NCOA6: variants seen among roughly 807,000 people sequenced by gnomAD.
NCOA6 encodes the protein NRC RAP250.
NCOA6 carries 49 observed loss-of-function variants against 171.4 expected under a neutral mutation model. That is an observed-to-expected ratio of 0.29 (90% CI 0.23 to 0.36). The LOEUF is 0.36. NCOA6 is among the 10% of genes least tolerant of loss of function. The probability of loss-of-function intolerance (pLI) is 1.00; values close to 1 mark genes in which losing one functional copy is unlikely to be tolerated. For missense variants in NCOA6, 2,248 were observed against 2,554.5 expected, an observed-to-expected ratio of 0.88 and a Z score of 2.59; for synonymous variants, 910 against 927.5, an observed-to-expected ratio of 0.98 and a Z score of 0.34.
chr20:34,715,268 G>C lies in NCOA6; in HGVS notation c.*54C>G. ...TTTAAAAAAGTCACAGCTCAAAATT[G>C]CTCTTTGTAAAAGTCACACACATTT... On this transcript the variant is annotated 3_prime_UTR_variant, in exon 15 of 15. Coordinates refer to ENST00000359003, the MANE Select transcript of NCOA6 (RefSeq NM_014071.5). 1.2e-6 allele frequency: 2 copies of C among 1,611,396 alleles called. No individual in the cohort carries two copies. The highest frequency in any genetic ancestry group is 1.7e-5 in the Admixed American group (1 of 59,846).
intron 4 of NCOA6, among the ~76,000 whole-genome samples, chr20:34,768,890 TTG>T (rs145646339): frequency 4.6e-5 from 7 of 151,462 alleles, no homozygotes. Flanking sequence ...ATCTTACCAA[TTG>T]TGTGTGTGTG....
intron 2 of NCOA6, among the ~76,000 whole-genome samples, chr20:34,786,600 T>C (rs151229305): frequency 0.017 from 2,588 of 152,304 alleles, 38 homozygotes; most frequent in Non-Finnish European, 0.025. Context: ...ATTTCATTAT[T>C]TACCCAAAAG....
chr20:34,730,386 T>C (rs1990473103), intron 13 of NCOA6, among the ~76,000 whole-genome samples: 1 of 152,046 alleles, frequency 6.6e-6, no homozygotes, highest in South Asian at 2.1e-4. Context: ...TGTACCTGGC[T>C]AGATGATTCC....
At position 34,725,672 on chromosome 20, in the gene NCOA6, G is replaced by A. The variant is rs372400444; in HGVS notation, c.6148+1587C>T. ...GGAAAAGGGCCACCTGAGATAAAAT[G>A]GGCAGTTTTTTGTGACGAGTTTGAT... On this transcript the variant is annotated intron_variant, in intron 14 of 14. Coordinates refer to ENST00000359003, the MANE Select transcript of NCOA6 (RefSeq NM_014071.5). 3.3e-5 allele frequency among the ~76,000 whole-genome samples: 5 copies of A among 151,494 alleles called. No individual in the cohort carries two copies. In the East Asian group the frequency reaches 9.6e-4, roughly 29 times the overall value.
At chr20:34,736,321 G>C (rs1196678662) in intron 12 of NCOA6, among the ~76,000 whole-genome samples, 2 of 152,146 alleles carry the variant, frequency 1.3e-5, no homozygotes, top group Non-Finnish European at 2.9e-5. Flanking sequence ...GTTAATGCTT[G>C]CCAGCCCAGT....
intron 11 of NCOA6, 83 bp downstream of exon 11, chr20:34,740,279 GT>G: frequency 6.7e-7 from 1 of 1,493,906 alleles, no homozygotes; most frequent in Non-Finnish European, 9.0e-7. Flanking sequence ...TTTCCTCCAA[GT>G]AAAAAAGGAG....
In NCOA6 at chr20:34,757,348, A is replaced by C. The variant is rs202134506; in HGVS notation, c.1400T>G (p.Phe467Cys). ...ACCCGGAGAGCTGACAGGCTGCTGA[A>C]ATCCCTGGGGAAGTGGGTTATTTTG... ...PPQNNPLPQG[F>C]QQPVSSPGRN... The change falls in exon 7 of 15, where the codon TTT (phenylalanine) becomes TGT (cysteine). Residue 467 changes from phenylalanine (F) to cysteine (C), a missense_variant. Around this residue, in one of 7 missense-constraint regions of NCOA6, gnomAD observed 987 missense variants for 1,104.7 expected, o/e 0.89. Coordinates refer to ENST00000359003, the MANE Select transcript of NCOA6 (RefSeq NM_014071.5). 6.2e-7 allele frequency: 1 copy of C among 1,614,172 alleles called. No individual in the cohort carries two copies. Among genetic ancestry groups the C allele is most frequent in the African/African-American group, 1.3e-5 (1 of 75,046 alleles).
Position 34,741,768 on chromosome 20 carries a change from G to T in NCOA6, c.4488C>A (p.Asp1496Glu). ...TTGTCACATTGGGAGCTCCAGAGTTGTCAAGAAGTTGACTTAACGATGTTG... is the reference window on the plus strand; with the variant it reads ...TTGTCACATTGGGAGCTCCAGAGTTTTCAAGAAGTTGACTTAACGATGTTG... ...EAPTSLSQLLDNSGAPNVTIK... is the reference protein window; with the variant it reads ...EAPTSLSQLLENSGAPNVTIK... Residue 1496 changes from aspartate to glutamate, a missense_variant, in exon 11 of 15, where the codon GAC becomes GAA. Transcript: ENST00000359003. 1 of 1,614,194 alleles carries T rather than the reference G, an allele frequency of 6.2e-7. No individual in the cohort carries two copies. Among genetic ancestry groups the T allele is most frequent in the Non-Finnish European group, 8.5e-7 (1 of 1,180,040 alleles).
At position 34,715,391 on chromosome 20, in the gene NCOA6, C is replaced by T. The variant is rs1256994349; in HGVS notation, c.6149-26G>A. 1.9e-6 allele frequency: 3 copies of T among 1,561,472 alleles called. No individual in the cohort carries two copies. In the African/African-American group the frequency reaches 4.1e-5, roughly 21 times the overall value. On this transcript the variant is annotated intron_variant, in intron 14 of 14. Coordinates refer to ENST00000359003, the MANE Select transcript of NCOA6 (RefSeq NM_014071.5). ...CTGTGGGGGAAAGAAAGGACATGTT[C>T]AGTGGAAGTAACTCTTTACAGCAGT...
intron 1 of NCOA6, among the ~76,000 whole-genome samples, chr20:34,802,969 C>T (rs2078305851): frequency 6.6e-6 from 1 of 151,880 alleles, no homozygotes; most frequent in South Asian, 2.1e-4. Context: ...CTCCACCATG[C>T]CCGGCTAATT....
chr20:34,782,284 TGA>T lies in NCOA6; in HGVS notation c.70_71del (p.Ser24ArgfsTer5), dbSNP rs781694204. 3 of 1,612,962 alleles carry T rather than the reference TGA, an allele frequency of 1.9e-6. No homozygotes were observed. The South Asian group carries it at 3.3e-5, about 18-fold the overall frequency. On this transcript the variant is annotated frameshift_variant, in exon 3 of 15. Transcript: ENST00000359003. LOFTEE classifies it high-confidence loss of function. ...TSLCSSTMEDSEMDFDSGLED... is the reference protein window; with the variant it reads ...TSLCSSTMEDXEMDFDSGLED... ...CTAGTCCAGAGTCAAAATCCATCTC[TGA>T]GTCTTCCATTGTTGATGAACACAAG...
Position 34,727,356 on chromosome 20 carries a change from G to A in NCOA6, c.6051C>T (p.Asn2017=). The part of the protein sequence containing the change: ...VEKSKIPGRR[N]SRTEEPTVAS... Reference sequence around the variant, plus strand: ...CCACAGTTGGCTCTTCAGTTCGGGAGTTTCTTCGGCCTGGGATTTTGGACT... The same window carrying A: ...CCACAGTTGGCTCTTCAGTTCGGGAATTTCTTCGGCCTGGGATTTTGGACT... The change falls in exon 14 of 15, where the codon AAC becomes AAT. Residue 2017 remains asparagine, a synonymous_variant. Coordinates refer to ENST00000359003, the MANE Select transcript of NCOA6 (RefSeq NM_014071.5). 1 of 1,614,100 alleles carries A rather than the reference G, an allele frequency of 6.2e-7. No individual in the cohort carries two copies. The highest frequency in any genetic ancestry group is 2.2e-5 in the East Asian group (1 of 44,882).
chr20:34,801,476 C>T (rs2078253309), intron 1 of NCOA6, among the ~76,000 whole-genome samples: 2 of 151,770 alleles, frequency 1.3e-5, no homozygotes, highest in South Asian at 2.1e-4. Flanking sequence ...GAGAGAAGAC[C>T]CAAATAAATA....
At chr20:34,811,865 A>G (rs1368932286) in intron 1 of NCOA6, among the ~76,000 whole-genome samples, 1 of 152,272 alleles carries the variant, frequency 6.6e-6, no homozygotes, top group African/African-American at 2.4e-5. Context: ...AAACAGTTAA[A>G]TGCTCACTGT....
rs757202518 is a variant in NCOA6, at chr20:34,740,860, T to C, written c.5396A>G (p.Asn1799Ser). ...STTMVSPLLT[N>S]SPGSSGNRRS... ...CCGGTTGCCAGAGGACCCTGGACTA[T>C]TGGTCAAAAGGGGAGAAACCATTGT... The change falls in exon 11 of 15, where the codon AAT becomes AGT. Residue 1799 changes from asparagine (N) to serine (S), a missense_variant. Physicochemically the swap from Asn to Ser is conservative, Grantham distance 46 (BLOSUM62 1). Around this residue, in one of 7 missense-constraint regions of NCOA6, gnomAD observed 884 missense variants for 941.9 expected, o/e 0.94. Coordinates refer to ENST00000359003, the MANE Select transcript of NCOA6 (RefSeq NM_014071.5). 3.7e-6 allele frequency: 6 copies of C among 1,614,094 alleles called. No homozygotes were observed. The highest frequency in any genetic ancestry group is 3.4e-6 in the Non-Finnish European group (4 of 1,180,050).
rs909347987 is a variant in NCOA6, at chr20:34,741,835, T to G, written c.4421A>C (p.Glu1474Ala). ...AGGAGACACCAAATTTTTGTTCTCTTCGACACTGGGAAGTTTGTTAGGATC... is the reference window on the plus strand; with the variant it reads ...AGGAGACACCAAATTTTTGTTCTCTGCGACACTGGGAAGTTTGTTAGGATC... ...PSDPNKLPSV[E>A]ENKNLVSPAM... The change falls in exon 11 of 15, where the codon GAA (glutamate) becomes GCA (alanine). Residue 1474 changes from glutamate (E) to alanine (A), a missense_variant. By Grantham distance (107) the Glu-to-Ala change is moderately radical. Around this residue, in one of 7 missense-constraint regions of NCOA6, gnomAD observed 884 missense variants for 941.9 expected, o/e 0.94. Transcript: ENST00000359003. 7 of 1,614,066 alleles carry G rather than the reference T, an allele frequency of 4.3e-6. No homozygotes were observed. Among genetic ancestry groups the G allele is most frequent in the African/African-American group, 1.3e-5 (1 of 74,922 alleles).
intron 14 of NCOA6, among the ~76,000 whole-genome samples, chr20:34,725,954 G>T (rs779379725): frequency 2.0e-5 from 3 of 152,100 alleles, no homozygotes; most frequent in Admixed American, 6.6e-5. Flanking sequence ...AAGAAGAGGG[G>T]CATGACTGAG....
intron 3 of NCOA6, among the ~76,000 whole-genome samples, chr20:34,778,464 T>C (rs1238746167): frequency 1.3e-5 from 2 of 151,406 alleles, no homozygotes; most frequent in Non-Finnish European, 2.9e-5. Flanking sequence ...AGTCTCAATC[T>C]GTCGCCAGGC....
chr20:34,821,790 T>C (rs1283164826), intron 1 of NCOA6, among the ~76,000 whole-genome samples: 1 of 152,144 alleles, frequency 6.6e-6, no homozygotes, highest in Non-Finnish European at 1.5e-5. Context: ...GGTTTCACCA[T>C]GTTAGCCAGG....
Sources: gnomAD v4.1 joint callset for allele counts (sites outside exome capture counted in the v4.1 genomes callset) on GRCh38, gnomAD v4.1.1 for gene constraint, gnomAD v4.1.1 regional missense constraint, MANE v1.5 for transcripts, NCBI Gene and HGNC (gene_info 2026-07-23, HGNC 2026-07-21) for gene names.